Variants in MACROD2 observed in about 807,000 individuals in gnomAD.
MACROD2 encodes the protein mono-ADP ribosylhydrolase 2.
In MACROD2, 36 loss-of-function variants were observed where a neutral mutation model predicts 70.4. The ratio of observed to expected loss-of-function variants is 0.51; its 90% CI spans 0.39 to 0.68. The LOEUF (loss-of-function observed/expected upper bound fraction) is 0.68. MACROD2 is among the 30% of genes least tolerant of loss of function. MACROD2 has a pLI of 0.00. For missense variants in MACROD2, 496 were observed against 538.4 expected (o/e 0.92, Z 0.78); for synonymous variants, 172 against 178.8 (o/e 0.96, Z 0.30).
intron 5 of MACROD2, among the ~76,000 whole-genome samples, chr20:15,128,136 A>C (rs2076079644): frequency 6.6e-6 from 1 of 151,972 alleles, no homozygotes; most frequent in South Asian, 2.1e-4. Context: ...TTTTTATTTC[A>C]AGGGTAGTTT....
At position 15,987,113 on chromosome 20, in the gene MACROD2, G is replaced by T. The variant is rs1170119760; in HGVS notation, c.1108G>T (p.Val370Leu). ...TGCCGTGATTGTGGAGCAACCAGAA[G>T]TGATTCCATTAACAGAGGACCAAGA... ...EDAVIVEQPE[V>L]IPLTEDQEEK... Residue 370 changes from valine to leucine, a missense_variant, in exon 15 of 18, where the codon GTG becomes TTG. Coordinates refer to ENST00000684519, the MANE Select transcript of MACROD2 (RefSeq NM_001351661.2). 4 of 1,612,436 alleles carry T rather than the reference G, an allele frequency of 2.5e-6. No homozygotes were observed. In the South Asian group the frequency reaches 3.3e-5, roughly 13 times the overall value.
chr20:14,901,886 G>A (rs992853096), intron 5 of MACROD2, among the ~76,000 whole-genome samples: 1 of 152,020 alleles, frequency 6.6e-6, no homozygotes, highest in African/African-American at 2.4e-5. Context: ...TTATTTGACT[G>A]TGGCCAAAGG....
At chr20:14,862,353 A>G (rs1332837423) in intron 5 of MACROD2, among the ~76,000 whole-genome samples, 1 of 17,686 alleles carries the variant, frequency 5.7e-5, no homozygotes, top group Non-Finnish European at 8.3e-5. Flanking sequence ...ATATAAAAAT[A>G]TATATATAAA....
At chr20:14,037,456 A>G (rs1039407559) in intron 2 of MACROD2, among the ~76,000 whole-genome samples, 1 of 152,258 alleles carries the variant, frequency 6.6e-6, no homozygotes, top group Middle Eastern at 3.2e-3. Flanking sequence ...TCATGCAGTT[A>G]TAAACAGATA....
intron 5 of MACROD2, among the ~76,000 whole-genome samples, chr20:15,205,663 A>G (rs1383507787): frequency 2.0e-5 from 3 of 152,322 alleles, no homozygotes; most frequent in Non-Finnish European, 2.9e-5. Flanking sequence ...TACTTCAAAG[A>G]AAGAAGAGAA....
At chr20:15,788,468 A>T (rs1271820285) in intron 8 of MACROD2, among the ~76,000 whole-genome samples, 1 of 143,862 alleles carries the variant, frequency 7.0e-6, no homozygotes, top group East Asian at 1.9e-4. Context: ...TTGAGTTATG[A>T]CATGAGTTTT....
intron 3 of MACROD2, among the ~76,000 whole-genome samples, chr20:14,168,324 G>A (rs188552312): frequency 6.6e-6 from 1 of 152,296 alleles, no homozygotes; most frequent in East Asian, 1.9e-4. Context: ...AGTTGTTGCA[G>A]CATTGGAAGG....
chr20:14,071,729 T>C (rs1042899397), intron 2 of MACROD2, among the ~76,000 whole-genome samples: 2 of 152,152 alleles, frequency 1.3e-5, no homozygotes, highest in African/African-American at 4.8e-5. Flanking sequence ...TGTGGCTTAT[T>C]GATGCCTAAA....
intron 8 of MACROD2, among the ~76,000 whole-genome samples, chr20:15,738,267 C>T (rs1051489433): frequency 1.2e-4 from 19 of 152,030 alleles, no homozygotes; most frequent in East Asian, 5.8e-4. Context: ...ATGATTATTA[C>T]GCATTGCATG....
At chr20:14,811,946 G>A (rs1355846511) in intron 5 of MACROD2, among the ~76,000 whole-genome samples, 1 of 152,116 alleles carries the variant, frequency 6.6e-6, no homozygotes, top group South Asian at 2.1e-4. Context: ...TGGAGAGGAC[G>A]TGGAGACATA....
intron 10 of MACROD2, among the ~76,000 whole-genome samples, chr20:15,912,372 T>C (rs959698469): frequency 1.3e-5 from 2 of 152,218 alleles, no homozygotes; most frequent in Non-Finnish European, 2.9e-5. Context: ...TTACCAGCAA[T>C]AGGCTTCAAT....
At chr20:14,671,582 T>C (rs535425166) in intron 4 of MACROD2, among the ~76,000 whole-genome samples, 10 of 152,294 alleles carry the variant, frequency 6.6e-5, no homozygotes, top group African/African-American at 1.9e-4. Context: ...GGATTTGAGA[T>C]GAAGAATGCT....
At chr20:15,433,354 T>C (rs77477433) in intron 7 of MACROD2, among the ~76,000 whole-genome samples, 5,735 of 148,132 alleles carry the variant, frequency 0.039, 140 homozygotes, top group Non-Finnish European at 0.06. Context: ...TTCAGGAATG[T>C]CTCAGGATAC....
intron 5 of MACROD2, among the ~76,000 whole-genome samples, chr20:14,994,199 A>G (rs1034385882): frequency 2.0e-5 from 3 of 152,172 alleles, no homozygotes; most frequent in African/African-American, 7.2e-5. Flanking sequence ...GCACTTAGTT[A>G]TATAGCACTT....
chr20:14,478,041 A>C (rs2123063268), intron 3 of MACROD2, among the ~76,000 whole-genome samples: 1 of 152,316 alleles, frequency 6.6e-6, no homozygotes, highest in East Asian at 1.9e-4. Context: ...GCAGACTCCG[A>C]GATAAAGGTA....
At chr20:14,220,692 G>T (rs886255588) in intron 3 of MACROD2, among the ~76,000 whole-genome samples, 2 of 152,158 alleles carry the variant, frequency 1.3e-5, no homozygotes, top group Non-Finnish European at 2.9e-5. Flanking sequence ...AGCTCCCAGG[G>T]CCTTTCTGCT....
At chr20:14,822,034 CA>C (rs1196039652) in intron 5 of MACROD2, among the ~76,000 whole-genome samples, 3 of 151,994 alleles carry the variant, frequency 2.0e-5, no homozygotes, top group Non-Finnish European at 4.4e-5. Flanking sequence ...AGGTATTTGA[CA>C]TCTCATAGTT....
intron 5 of MACROD2, among the ~76,000 whole-genome samples, chr20:14,784,665 A>G (rs887850791): frequency 1.3e-3 from 17 of 12,782 alleles, no homozygotes; most frequent in African/African-American, 6.7e-3. Flanking sequence ...ATGGTGTTTT[A>G]AGTGGGGGGG....
At chr20:14,349,402 C>A in intron 3 of MACROD2, among the ~76,000 whole-genome samples, 1 of 150,794 alleles carries the variant, frequency 6.6e-6, no homozygotes. Context: ...TGTTGTACTT[C>A]AGTTAATACT....
Sources: allele counts gnomAD v4.1 joint callset (sites outside exome capture counted in the v4.1 genomes callset), GRCh38; gene constraint gnomAD v4.1.1; transcripts MANE v1.5; gene names NCBI Gene and HGNC (gene_info 2026-07-23, HGNC 2026-07-21).